The following SPATA13 variants were observed in gnomAD, a reference collection of about 807,000 sequenced individuals.
The protein encoded by SPATA13 is spermatogenesis associated 13.
In SPATA13, 50 loss-of-function variants were observed where a neutral mutation model predicts 104.0. That is an observed-to-expected ratio of 0.48 (90% CI 0.38 to 0.61). The LOEUF is 0.61. Among genes scored for constraint, SPATA13 ranks in the 20% least tolerant of loss-of-function variants. The pLI, the probability that SPATA13 is intolerant of heterozygous loss-of-function variation, is 0.00. For missense variants in SPATA13, 1,524 were observed against 1,690.6 expected, an observed-to-expected ratio of 0.90 and a Z score of 1.73; for synonymous variants, 606 against 667.5, an observed-to-expected ratio of 0.91 and a Z score of 1.42.
chr13:23,997,027 C>G (rs1875728952), intron 2 of SPATA13, among the ~76,000 whole-genome samples: 1 of 152,192 alleles, frequency 6.6e-6, no homozygotes, highest in Non-Finnish European at 1.5e-5. Flanking sequence ...CTCTTAAGAA[C>G]AGCTAATAAT....
intron 3 of SPATA13, among the ~76,000 whole-genome samples, chr13:24,133,509 G>C (rs1256909727): frequency 6.6e-6 from 1 of 152,164 alleles, no homozygotes; most frequent in African/African-American, 2.4e-5. Context: ...TGCTGAGCTC[G>C]GGCAGGTGCT....
chr13:24,164,244 G>A (rs1882628914), intron 1 of SPATA13, among the ~76,000 whole-genome samples: 1 of 152,216 alleles, frequency 6.6e-6, no homozygotes, highest in African/African-American at 2.4e-5. Context: ...AGTAAAGGGG[G>A]AGCATAGAGT....
intron 3 of SPATA13, among the ~76,000 whole-genome samples, chr13:24,064,195 G>A (rs912694928): frequency 9.2e-5 from 14 of 152,106 alleles, no homozygotes; most frequent in African/African-American, 2.9e-4. Context: ...CACTTAATGC[G>A]TTCTAAAGCT....
chr13:24,259,365 A>G (rs973484792), intron 4 of SPATA13, among the ~76,000 whole-genome samples: 6 of 152,352 alleles, frequency 3.9e-5, no homozygotes, highest in Admixed American at 3.3e-4. Flanking sequence ...CCAGAGCCTC[A>G]CTTGCTTTCT....
intron 2 of SPATA13, among the ~76,000 whole-genome samples, chr13:24,225,405 G>A (rs377018071): frequency 1.3e-5 from 2 of 152,208 alleles, no homozygotes; most frequent in Admixed American, 6.5e-5. Flanking sequence ...ACGTGGTGAC[G>A]AGTGAAAGCT....
At chr13:24,138,788 C>T (rs992879016) in intron 3 of SPATA13, among the ~76,000 whole-genome samples, 4 of 145,718 alleles carry the variant, frequency 2.7e-5, no homozygotes, top group South Asian at 2.2e-4. Context: ...GATGGGCTCT[C>T]GCTATGTTGC....
At chr13:24,012,867 C>T (rs1876537891) in intron 2 of SPATA13, among the ~76,000 whole-genome samples, 1 of 152,212 alleles carries the variant, frequency 6.6e-6, no homozygotes, top group African/African-American at 2.4e-5. Context: ...GGGGCTTTCA[C>T]GGGCTTGGGC....
At chr13:24,125,938 T>C (rs756938215) in intron 3 of SPATA13, among the ~76,000 whole-genome samples, 2 of 152,232 alleles carry the variant, frequency 1.3e-5, no homozygotes, top group South Asian at 2.1e-4. Flanking sequence ...CTATTGCCTA[T>C]GCTTTTCCCT....
chr13:24,108,644 G>A (rs1371081808), intron 3 of SPATA13, among the ~76,000 whole-genome samples: 1 of 111,970 alleles, frequency 8.9e-6, no homozygotes, highest in East Asian at 2.8e-4. Context: ...AGTAAATGCC[G>A]GCTGCTTTTC....
chr13:24,032,373 T>C (rs1877515494), intron 3 of SPATA13, among the ~76,000 whole-genome samples: 1 of 152,258 alleles, frequency 6.6e-6, no homozygotes, highest in South Asian at 2.1e-4. Context: ...TTTCTCACTG[T>C]GATGTAACAA....
Position 24,165,189 on chromosome 13 carries a change from C to A in SPATA13, c.-112+4257C>A, listed in dbSNP as rs138827975. ...GGTGAGCAATCACTTCCACCCATTT[C>A]CCTGAAGCGGGACTGCCCTAGTCTT... On this transcript the variant is annotated intron_variant, in intron 1 of 12. Transcript: ENST00000382108. Among the ~76,000 whole-genome samples, 16 of 152,242 alleles carry A rather than the reference C, an allele frequency of 1.1e-4. 2 individuals are homozygous for A. Among genetic ancestry groups the A allele is most frequent in the African/African-American group, 3.1e-4 (13 of 41,546 alleles).
At chr13:24,092,603 G>A (rs1424917426) in intron 3 of SPATA13, among the ~76,000 whole-genome samples, 1 of 152,154 alleles carries the variant, frequency 6.6e-6, no homozygotes, top group Non-Finnish European at 1.5e-5. Context: ...CCATTTTAGG[G>A]TCTCTTAGAG....
chr13:24,071,676 A>G (rs999721263), intron 3 of SPATA13, among the ~76,000 whole-genome samples: 2 of 152,166 alleles, frequency 1.3e-5, no homozygotes, highest in African/African-American at 4.8e-5. Context: ...ATCACATCAG[A>G]TTTAATGTTC....
At chr13:24,244,263 A>G (rs1444604248) in intron 2 of SPATA13, among the ~76,000 whole-genome samples, 2 of 152,176 alleles carry the variant, frequency 1.3e-5, no homozygotes, top group Admixed American at 6.5e-5. Context: ...ACCTCATTTT[A>G]ACTTTATTAT....
intron 3 of SPATA13, among the ~76,000 whole-genome samples, chr13:24,032,345 A>G (rs966094198): frequency 1.3e-5 from 2 of 152,184 alleles, no homozygotes; most frequent in Non-Finnish European, 2.9e-5. Flanking sequence ...ACCCATTGCA[A>G]TGGTCCTGAA....
intron 3 of SPATA13, among the ~76,000 whole-genome samples, chr13:24,107,658 CCTACGTCAG>C (rs1352554363): frequency 6.6e-6 from 1 of 152,146 alleles, no homozygotes; most frequent in African/African-American, 2.4e-5. Context: ...AATGACAGCG[CCTACGTCAG>C]CTTTTCTTCC....
At chr13:24,292,867 G>C (rs756753712) in intron 9 of SPATA13, among the ~76,000 whole-genome samples, 31 of 151,718 alleles carry the variant, frequency 2.0e-4, no homozygotes, top group Admixed American at 6.6e-4. Flanking sequence ...ATGGTGGCGG[G>C]CACCTGTAAT....
At chr13:24,047,000 G>T (rs1357640857) in intron 3 of SPATA13, among the ~76,000 whole-genome samples, 1 of 152,120 alleles carries the variant, frequency 6.6e-6, no homozygotes, top group African/African-American at 2.4e-5. Flanking sequence ...GCTAGTCTAG[G>T]TAGGGGTTTC....
upstream of SPATA13, among the ~76,000 whole-genome samples, chr13:24,159,627 G>T (rs1040699988): frequency 2.0e-5 from 3 of 152,108 alleles, no homozygotes; most frequent in African/African-American, 7.2e-5. Context: ...GGCTCACGCC[G>T]CATGCTGTTC....
Sources: gnomAD v4.1 joint callset for allele counts (sites outside exome capture counted in the v4.1 genomes callset) on GRCh38, gnomAD v4.1.1 for gene constraint, MANE v1.5 for transcripts, NCBI Gene and HGNC (gene_info 2026-07-23, HGNC 2026-07-21) for gene names.